The following NDUFS4 variants were observed in gnomAD, a reference collection of about 807,000 sequenced individuals.
NDUFS4 encodes the protein NADH:ubiquinone oxidoreductase subunit S4, also known as NADH dehydrogenase [ubiquinone] iron-sulfur protein 4, mitochondrial.
In NDUFS4, 28 loss-of-function variants were observed where a neutral mutation model predicts 24.3. The observed-to-expected ratio is 1.15, with a 90% CI of 0.85 to 1.58. NDUFS4 has a LOEUF of 1.58. Ranked by LOEUF, NDUFS4 falls within the 40% of genes most tolerant of loss-of-function variation. The pLI is 0.00. For missense variants in NDUFS4, 223 were observed against 207.9 expected (o/e 1.07, Z -0.45); for synonymous variants, 93 against 69.7 (o/e 1.34, Z -1.67).
Position 53,603,737 on chromosome 5 carries a change from T to C in NDUFS4, c.177+207T>C, listed in dbSNP as rs184907822. Among the ~76,000 whole-genome samples the C allele has an allele frequency of 6.6e-5, 10 of 152,296 alleles. No homozygotes were observed. In the East Asian group the frequency reaches 1.4e-3, roughly 21 times the overall value. On this transcript the variant is annotated intron_variant, in intron 2 of 4. Coordinates refer to ENST00000296684, the MANE Select transcript of NDUFS4 (RefSeq NM_002495.4). ...ACAAATACAAAACCATATGCAAATA[T>C]TAATAAATTAAAATTATGAAAGGTT...
intron 2 of NDUFS4, among the ~76,000 whole-genome samples, chr5:53,621,138 A>G (rs1295965826): frequency 6.6e-6 from 1 of 152,156 alleles, no homozygotes; most frequent in Non-Finnish European, 1.5e-5. Context: ...TGGTGCATTA[A>G]CATTGAAAAT....
chr5:53,606,964 A>G (rs910913849), intron 2 of NDUFS4, among the ~76,000 whole-genome samples: 1 of 152,254 alleles, frequency 6.6e-6, no homozygotes, highest in Non-Finnish European at 1.5e-5. Context: ...TGTACTGTTT[A>G]GAGAATAATG....
intron 2 of NDUFS4, among the ~76,000 whole-genome samples, chr5:53,612,612 G>A (rs1348297490): frequency 6.6e-6 from 1 of 151,998 alleles, no homozygotes; most frequent in African/African-American, 2.4e-5. Context: ...TTGCCAATTG[G>A]TTGTATTTTG....
intron 2 of NDUFS4, among the ~76,000 whole-genome samples, chr5:53,614,972 A>T (rs1561363922): frequency 6.6e-6 from 1 of 151,950 alleles, no homozygotes; most frequent in Non-Finnish European, 1.5e-5. Flanking sequence ...AATTTGAAGT[A>T]CATAAACTGT....
intron 4 of NDUFS4, among the ~76,000 whole-genome samples, chr5:53,660,644 C>T (rs1033344510): frequency 6.6e-6 from 1 of 152,118 alleles, no homozygotes; most frequent in Non-Finnish European, 1.5e-5. Context: ...TTTTTCTCCA[C>T]ATCCTCTCCA....
At chr5:53,679,701 A>AT (rs1438647296) in intron 4 of NDUFS4, among the ~76,000 whole-genome samples, 1 of 152,140 alleles carries the variant, frequency 6.6e-6, no homozygotes, top group Non-Finnish European at 1.5e-5. Flanking sequence ...GTTTGTGTGT[A>AT]TATTACTATT....
chr5:53,679,957 A>ATAT (rs757783303), intron 4 of NDUFS4, among the ~76,000 whole-genome samples: 1 of 152,188 alleles, frequency 6.6e-6, no homozygotes, highest in African/African-American at 2.4e-5. Flanking sequence ...TGGGGAACAT[A>ATAT]TATTTATTTT....
At chr5:53,583,258 G>GA (rs1472785390) in intron 1 of NDUFS4, among the ~76,000 whole-genome samples, 1 of 152,136 alleles carries the variant, frequency 6.6e-6, no homozygotes, top group Non-Finnish European at 1.5e-5. Flanking sequence ...ACCAAAAAAT[G>GA]ATGACTTTTA....
intron 1 of NDUFS4, among the ~76,000 whole-genome samples, chr5:53,577,207 T>C (rs1193135212): frequency 2.0e-5 from 3 of 152,190 alleles, no homozygotes; most frequent in Non-Finnish European, 4.4e-5. Flanking sequence ...CTACCCAGTA[T>C]TACCCATTTG....
chr5:53,682,986 T>C (rs1442528309), intron 4 of NDUFS4, 132 bp from the exon 5 acceptor site: 5 of 757,170 alleles, frequency 6.6e-6, no homozygotes, highest in Admixed American at 1.8e-5. Context: ...ATATCTCAGA[T>C]GTGTTGACAT....
chr5:53,627,817 T>G (rs763168199), intron 2 of NDUFS4, among the ~76,000 whole-genome samples: 15 of 152,206 alleles, frequency 9.9e-5, no homozygotes, highest in Non-Finnish European at 1.8e-4. Context: ...CACAATAATG[T>G]CATCTGCAAG....
At chr5:53,634,400 GATATTT>G (rs1424662220) in intron 2 of NDUFS4, among the ~76,000 whole-genome samples, 8 of 152,058 alleles carry the variant, frequency 5.3e-5, no homozygotes, top group African/African-American at 1.9e-4. Flanking sequence ...CCTTTGTCCT[GATATTT>G]GTTTATTTAA....
intron 1 of NDUFS4, among the ~76,000 whole-genome samples, chr5:53,601,449 T>C (rs1039739147): frequency 3.9e-5 from 6 of 152,228 alleles, no homozygotes; most frequent in African/African-American, 1.4e-4. Flanking sequence ...AACTAATATA[T>C]ACTAAGATTT....
intron 2 of NDUFS4, among the ~76,000 whole-genome samples, chr5:53,628,856 G>T (rs1751311786): frequency 6.6e-6 from 1 of 151,744 alleles, no homozygotes; most frequent in Non-Finnish European, 1.5e-5. Context: ...TTTTTGAAGG[G>T]TTTTTTTGTG....
At chr5:53,619,344 G>A (rs1277701652) in intron 2 of NDUFS4, among the ~76,000 whole-genome samples, 9 of 148,932 alleles carry the variant, frequency 6.0e-5, no homozygotes, top group African/African-American at 2.0e-4. Flanking sequence ...TGTGGTGGCG[G>A]GTGCTTGTGG....
At chr5:53,660,738 C>T (rs534025133) in intron 4 of NDUFS4, among the ~76,000 whole-genome samples, 1 of 152,294 alleles carries the variant, frequency 6.6e-6, no homozygotes, top group African/African-American at 2.4e-5. Flanking sequence ...ATTTGCATTT[C>T]TCTGATGGCC....
intron 4 of NDUFS4, among the ~76,000 whole-genome samples, chr5:53,680,188 T>C (rs1740614402): frequency 6.6e-6 from 1 of 152,098 alleles, no homozygotes; most frequent in Admixed American, 6.6e-5. Flanking sequence ...TTTAAGGTAA[T>C]GTAAAATTAA....
At chr5:53,607,065 A>C (rs424955) in intron 2 of NDUFS4, among the ~76,000 whole-genome samples, 1 of 152,050 alleles carries the variant, frequency 6.6e-6, no homozygotes, top group East Asian at 1.9e-4. Flanking sequence ...TTTAATCCAC[A>C]ATACAGAAGG....
chr5:53,669,590 T>C (rs1254136782), intron 4 of NDUFS4, among the ~76,000 whole-genome samples: 1 of 152,210 alleles, frequency 6.6e-6, no homozygotes, highest in Non-Finnish European at 1.5e-5. Flanking sequence ...GCAGCTCTTA[T>C]AGTATGGTTT....
Sources: gnomAD v4.1 joint callset for allele counts (sites outside exome capture counted in the v4.1 genomes callset) on GRCh38, gnomAD v4.1.1 for gene constraint, MANE v1.5 for transcripts, NCBI Gene and HGNC (gene_info 2026-07-23, HGNC 2026-07-21) for gene names.